The following LIX1 variants were observed in gnomAD, a reference collection of about 807,000 sequenced individuals.
The protein encoded by LIX1 is limb and CNS expressed 1, also known as protein limb expression 1 homolog.
LIX1 carries 24 observed loss-of-function variants against 33.4 expected under a neutral mutation model. That is an observed-to-expected ratio of 0.72 (90% CI 0.52 to 1.01). The LOEUF is 1.01. Ranked by LOEUF, LIX1 falls within the 50% of genes least tolerant of loss-of-function variation. The pLI, the probability that LIX1 is intolerant of heterozygous loss-of-function variation, is 0.00. For synonymous variants in LIX1, 124 were observed against 124.0 expected, an observed-to-expected ratio of 1.00 and a Z score of 0.00; for missense variants, 311 against 339.2, an observed-to-expected ratio of 0.92 and a Z score of 0.65.
chr5:97,103,123 C>A (rs1480931620), intron 4 of LIX1: 1 of 438,982 alleles, frequency 2.3e-6, no homozygotes, highest in Admixed American at 2.6e-5. Flanking sequence ...AGTTTATATT[C>A]TTTCTCTTGA....
At position 97,093,016 on chromosome 5, in the gene LIX1, G is replaced by C. The variant is rs1314426199; in HGVS notation, c.*1732C>G. The C allele has an allele frequency of 6.6e-6, 1 of 152,216 alleles. No homozygotes were observed. Among genetic ancestry groups the C allele is most frequent in the Non-Finnish European group, 1.5e-5 (1 of 68,010 alleles). The allele number at this position is 152,216 out of a possible 1,614,324, so 9.4% of individuals were successfully genotyped here. A position where few individuals can be genotyped will look rare whatever the true frequency, so the allele number is the denominator to read the frequency against. ...CATTGTGGAGAGGAATGTAACTTTT[G>C]TTAAAATAATATTTTAAAATAAAAT... On this transcript the variant is annotated 3_prime_UTR_variant, in exon 6 of 6. Coordinates refer to ENST00000274382, the MANE Select transcript of LIX1 (RefSeq NM_153234.5).
At position 97,105,212 on chromosome 5, in the gene LIX1, C is replaced by T. The variant is rs1746948511; in HGVS notation, c.461G>A (p.Gly154Glu). Residue 154 changes from glycine to glutamate, a missense_variant, in exon 4 of 6, where the codon GGG becomes GAG. Physicochemically the swap from Gly to Glu is moderately conservative, Grantham distance 98. Transcript: ENST00000274382. ...TACCTGAAACTCCAGCATAGTCTTC[C>T]CCATGTTTGACTCCAGCATGTAGTG... Reference protein sequence around the residue: ...AYHYMLESNMGKTMLEFQELM... With the variant: ...AYHYMLESNMEKTMLEFQELM... The T allele has an allele frequency of 6.2e-7, 1 of 1,614,032 alleles. No homozygotes were observed. Among genetic ancestry groups the T allele is most frequent in the Non-Finnish European group, 8.5e-7 (1 of 1,179,912 alleles).
chr5:97,122,836 T>C lies in LIX1; in HGVS notation c.246+1630A>G, dbSNP rs116115192. ...CCTCTAAATCCTTACTGAAGGACAC[T>C]ATCTCTACTTCTAAACCCCTATTTT... On this transcript the variant is annotated intron_variant, in intron 2 of 5. Transcript: ENST00000274382. Among the ~76,000 whole-genome samples, 1,495 of 152,324 alleles carry C rather than the reference T, an allele frequency of 9.8e-3. 25 individuals carry two copies. Among genetic ancestry groups the C allele is most frequent in the African/African-American group, 0.035 (1,444 of 41,570 alleles).
chr5:97,125,712 C>T (rs1410588390), intron 1 of LIX1, among the ~76,000 whole-genome samples: 1 of 152,170 alleles, frequency 6.6e-6, no homozygotes, highest in East Asian at 1.9e-4. Context: ...TGTTGTTTTG[C>T]TTGCCTGGCA....
intron 2 of LIX1, among the ~76,000 whole-genome samples, chr5:97,111,865 C>G (rs1747412817): frequency 6.6e-6 from 1 of 152,162 alleles, no homozygotes; most frequent in Non-Finnish European, 1.5e-5. Flanking sequence ...AGCCTTTACC[C>G]AGAAAGCATG....
intron 1 of LIX1, among the ~76,000 whole-genome samples, chr5:97,132,442 C>G (rs11742186): frequency 6.6e-6 from 1 of 152,038 alleles, no homozygotes; most frequent in African/African-American, 2.4e-5. Flanking sequence ...AAGGCCTAAG[C>G]TGAGCCCTTC....
chr5:97,113,985 C>A (rs77291515), intron 2 of LIX1, among the ~76,000 whole-genome samples: 2,354 of 152,224 alleles, frequency 0.015, 82 homozygotes, highest in African/African-American at 0.055. Context: ...TGTTGTTCTC[C>A]TTTGGATGCT....
At chr5:97,117,866 C>G (rs73143143) in intron 2 of LIX1, among the ~76,000 whole-genome samples, 2 of 151,924 alleles carry the variant, frequency 1.3e-5, no homozygotes, top group African/African-American at 4.8e-5. Flanking sequence ...TGTGCCACCC[C>G]GCATCTCACT....
intron 2 of LIX1, among the ~76,000 whole-genome samples, chr5:97,111,599 T>C (rs1035134069): frequency 6.6e-6 from 1 of 152,224 alleles, no homozygotes; most frequent in Non-Finnish European, 1.5e-5. Context: ...AAATCTATCA[T>C]AGAGCTGTTG....
chr5:97,139,826 G>C (rs1186740345), intron 1 of LIX1, among the ~76,000 whole-genome samples: 2 of 152,150 alleles, frequency 1.3e-5, no homozygotes, highest in African/African-American at 4.8e-5. Context: ...TTTCCTTCTA[G>C]AAGAGAAAAT....
chr5:97,129,465 A>G (rs566939402), intron 1 of LIX1, among the ~76,000 whole-genome samples: 11 of 152,232 alleles, frequency 7.2e-5, no homozygotes, highest in Non-Finnish European at 1.3e-4. Context: ...GACCATTCCT[A>G]TCCTCCTAAT....
intron 4 of LIX1, among the ~76,000 whole-genome samples, chr5:97,104,099 C>A (rs1746884806): frequency 6.6e-6 from 1 of 151,952 alleles, no homozygotes; most frequent in South Asian, 2.1e-4. Flanking sequence ...ACATTTCCAT[C>A]TGAGAAGTGG....
rs143977867 is a variant in LIX1 at position 97,141,873 on chromosome 5, A to C, written c.82+622T>G. The stretch of plus-strand genomic sequence containing the variant: ...GATTGAATTATTTTTAAATCATTAA[A>C]AAAAAGATTTTGAAATAACTTTGCC... On this transcript the variant is annotated intron_variant, in intron 1 of 5. Transcript: ENST00000274382. Among the ~76,000 whole-genome samples, 5 of 152,364 alleles carry C rather than the reference A, an allele frequency of 3.3e-5. No individual in the cohort carries two copies. The East Asian group carries it at 9.6e-4, about 29-fold the overall frequency.
At chr5:97,131,034 G>T (rs552252886) in intron 1 of LIX1, among the ~76,000 whole-genome samples, 39 of 152,314 alleles carry the variant, frequency 2.6e-4, no homozygotes, top group African/African-American at 8.9e-4. Context: ...CCCCAAGCAA[G>T]TCTCTTGTAA....
intron 2 of LIX1, among the ~76,000 whole-genome samples, chr5:97,118,026 C>G (rs574425155): frequency 6.6e-6 from 1 of 152,284 alleles, no homozygotes; most frequent in East Asian, 1.9e-4. Flanking sequence ...TACCAGAACC[C>G]AGTGTTTAAC....
chr5:97,111,152 C>T (rs980631173), intron 2 of LIX1, among the ~76,000 whole-genome samples: 1 of 152,166 alleles, frequency 6.6e-6, no homozygotes, highest in Non-Finnish European at 1.5e-5. Context: ...CCACCGTCTC[C>T]TGGCTGTGAG....
In LIX1 at chr5:97,105,259, G is replaced by A. The variant is rs150140767; in HGVS notation, c.414C>T (p.Pro138=). ...TSGTLDDADD[P]STSVGAYHYM... ...AGTGATAGGCCCCAACACTGGTGCT[G>A]GGGTCATCTGCATCATCTAAGGTGC... The change falls in exon 4 of 6, where the codon CCC becomes CCT. Residue 138 remains proline, a synonymous_variant. Transcript: ENST00000274382. 1.4e-4 allele frequency: 227 copies of A among 1,614,012 alleles called. No individual in the cohort carries two copies. The African/African-American group carries it at 2.8e-3, about 20-fold the overall frequency.
intron 5 of LIX1, among the ~76,000 whole-genome samples, chr5:97,096,085 A>G (rs1318150444): frequency 1.3e-5 from 2 of 152,200 alleles, no homozygotes; most frequent in African/African-American, 4.8e-5. Flanking sequence ...TTCCTCATAC[A>G]AATTCCTATT....
intron 1 of LIX1, among the ~76,000 whole-genome samples, chr5:97,137,971 G>A (rs1270081070): frequency 6.6e-6 from 1 of 152,168 alleles, no homozygotes. Flanking sequence ...TTACTAAGAT[G>A]TTTTTAATAG....
Sources: allele counts gnomAD v4.1 joint callset (sites outside exome capture counted in the v4.1 genomes callset), GRCh38; gene constraint gnomAD v4.1.1; transcripts MANE v1.5; gene names NCBI Gene and HGNC (gene_info 2026-07-23, HGNC 2026-07-21).